Variants in DCC observed in about 807,000 individuals in gnomAD.
DCC encodes netrin receptor DCC.
In DCC, 58 loss-of-function variants were observed where a neutral mutation model predicts 172.5. The observed-to-expected ratio is 0.34, with a 90% CI of 0.27 to 0.42. DCC has a LOEUF of 0.42. DCC is among the 10% of genes least tolerant of loss of function. The pLI, the probability that DCC is intolerant of heterozygous loss-of-function variation, is 1.00. For missense variants in DCC, 1,740 were observed against 1,791.0 expected, an observed-to-expected ratio of 0.97 and a Z score of 0.51; for synonymous variants, 709 against 644.5, an observed-to-expected ratio of 1.10 and a Z score of -1.52.
At chr18:52,606,300 T>A (rs1447346773) in intron 1 of DCC, among the ~76,000 whole-genome samples, 2 of 152,056 alleles carry the variant, frequency 1.3e-5, no homozygotes, top group African/African-American at 4.8e-5. Context: ...AGACCCAATT[T>A]TCTAGTCTAT....
chr18:52,517,343 G>T (rs775355625), intron 1 of DCC, among the ~76,000 whole-genome samples: 7 of 151,978 alleles, frequency 4.6e-5, no homozygotes, highest in Non-Finnish European at 8.8e-5. Flanking sequence ...AGCCATGTGT[G>T]GATCAAAAAG....
intron 2 of DCC, among the ~76,000 whole-genome samples, chr18:52,838,616 AT>A (rs2038754034): frequency 6.6e-6 from 1 of 152,232 alleles, no homozygotes; most frequent in Admixed American, 6.5e-5. Context: ...AATAATAAGT[AT>A]TTACTCAATT....
At chr18:53,198,120 A>G (rs1336297996) in intron 9 of DCC, among the ~76,000 whole-genome samples, 1 of 152,178 alleles carries the variant, frequency 6.6e-6, no homozygotes, top group Admixed American at 6.5e-5. Flanking sequence ...AGTAATTAAC[A>G]ATCACTATGA....
At chr18:52,966,304 T>C (rs2040929428) in intron 5 of DCC, among the ~76,000 whole-genome samples, 1 of 152,188 alleles carries the variant, frequency 6.6e-6, no homozygotes, top group Admixed American at 6.6e-5. Flanking sequence ...AGAGTACTTA[T>C]TTATTTATGC....
intron 12 of DCC, among the ~76,000 whole-genome samples, chr18:53,277,547 G>A (rs1418209074): frequency 2.0e-5 from 3 of 152,128 alleles, no homozygotes; most frequent in African/African-American, 7.2e-5. Context: ...ATTTCTGACA[G>A]ATATGTTAAA....
intron 1 of DCC, among the ~76,000 whole-genome samples, chr18:52,436,548 G>C (rs1315092479): frequency 6.6e-6 from 1 of 152,230 alleles, no homozygotes; most frequent in African/African-American, 2.4e-5. Flanking sequence ...ATTGTAACAA[G>C]ATTTCCAGGG....
chr18:52,807,730 C>T (rs529905291), intron 2 of DCC, among the ~76,000 whole-genome samples: 4 of 152,132 alleles, frequency 2.6e-5, no homozygotes, highest in African/African-American at 7.2e-5. Flanking sequence ...GTATATAATA[C>T]TTCATATTTT....
intron 27 of DCC, among the ~76,000 whole-genome samples, chr18:53,503,644 C>G (rs1009489467): frequency 8.6e-5 from 13 of 152,010 alleles, no homozygotes; most frequent in African/African-American, 2.9e-4. Context: ...TTCTTCTTTA[C>G]TAGTTAAAAT....
At chr18:52,909,195 C>T (rs2145454923) in intron 3 of DCC, among the ~76,000 whole-genome samples, 1 of 152,238 alleles carries the variant, frequency 6.6e-6, no homozygotes, top group East Asian at 1.9e-4. Flanking sequence ...AATTTTCACT[C>T]TCTGTAAGTA....
chr18:52,926,247 T>C (rs912582304), intron 5 of DCC, among the ~76,000 whole-genome samples: 10 of 151,952 alleles, frequency 6.6e-5, no homozygotes, highest in Non-Finnish European at 1.2e-4. Context: ...TGCTAAGTTA[T>C]ACCATGATAT....
At chr18:53,209,126 G>T (rs1057069231) in intron 11 of DCC, among the ~76,000 whole-genome samples, 4 of 152,160 alleles carry the variant, frequency 2.6e-5, no homozygotes, top group African/African-American at 9.7e-5. Context: ...CAGAGGCAGG[G>T]TCTCACTTTG....
intron 1 of DCC, among the ~76,000 whole-genome samples, chr18:52,574,701 C>T (rs1008680945): frequency 6.6e-6 from 1 of 152,082 alleles, no homozygotes; most frequent in East Asian, 1.9e-4. Context: ...AGAATAAATT[C>T]CCCTAAACAA....
chr18:52,499,028 G>A (rs186774311), intron 1 of DCC, among the ~76,000 whole-genome samples: 27 of 152,218 alleles, frequency 1.8e-4, no homozygotes, highest in Admixed American at 1.4e-3. Context: ...CGTACCACCC[G>A]GAATCATTTT....
chr18:52,652,954 A>T (rs117840485), intron 1 of DCC, among the ~76,000 whole-genome samples: 4,596 of 152,196 alleles, frequency 0.03, 94 homozygotes, highest in Non-Finnish European at 0.043. Flanking sequence ...ACAGGAAAAG[A>T]ATGATGCAGG....
In DCC at chr18:53,499,553, T is replaced by C. The variant is rs773942269; in HGVS notation, c.4111+43T>C. On this transcript the variant is annotated intron_variant, in intron 27 of 28. Transcript: ENST00000442544. Reference sequence around the variant, plus strand: ...TCACCTTTAAAATTCTTATTATTATTGGTGCCTCTATTTAAGTGCATGAGG... The same window carrying C: ...TCACCTTTAAAATTCTTATTATTATCGGTGCCTCTATTTAAGTGCATGAGG... 5.3e-6 allele frequency: 8 copies of C among 1,506,478 alleles called. No homozygotes were observed. In the South Asian group the frequency reaches 7.9e-5, roughly 15 times the overall value. The allele number at this position is 1,506,478 out of a possible 1,614,324, so 93.3% of individuals were successfully genotyped here. A position where few individuals can be genotyped will look rare whatever the true frequency, so the allele number is the denominator to read the frequency against.
intron 1 of DCC, among the ~76,000 whole-genome samples, chr18:52,427,522 T>C (rs1308348176): frequency 6.6e-6 from 1 of 152,058 alleles, no homozygotes; most frequent in Non-Finnish European, 1.5e-5. Context: ...CTGAGCCTCA[T>C]GACAAAGCAG....
chr18:52,612,066 T>G (rs994572886), intron 1 of DCC, among the ~76,000 whole-genome samples: 1 of 152,184 alleles, frequency 6.6e-6, no homozygotes, highest in Admixed American at 6.5e-5. Flanking sequence ...TGTGGGTTGA[T>G]GACTCTCCTG....
At chr18:52,450,191 T>C (rs1033915758) in intron 1 of DCC, among the ~76,000 whole-genome samples, 2 of 152,192 alleles carry the variant, frequency 1.3e-5, no homozygotes, top group Non-Finnish European at 1.5e-5. Flanking sequence ...CAACAGCCAC[T>C]TCATTTCATT....
At chr18:53,033,868 C>T (rs531587654) in intron 5 of DCC, among the ~76,000 whole-genome samples, 3 of 152,208 alleles carry the variant, frequency 2.0e-5, no homozygotes, top group Admixed American at 2.0e-4. Context: ...TTATTAAGGT[C>T]TCCAATGACC....
Sources: allele counts gnomAD v4.1 joint callset (sites outside exome capture counted in the v4.1 genomes callset), GRCh38; gene constraint gnomAD v4.1.1; transcripts MANE v1.5; gene names NCBI Gene and HGNC (gene_info 2026-07-23, HGNC 2026-07-21).